PIEZO2: variants seen among roughly 807,000 people sequenced by gnomAD.
The protein encoded by PIEZO2 is piezo-type mechanosensitive ion channel component 2.
In PIEZO2, 172 loss-of-function variants were observed where a neutral mutation model predicts 337.3. The observed-to-expected ratio is 0.51, with a 90% CI of 0.45 to 0.58. PIEZO2 has a LOEUF of 0.58. Ranked by LOEUF, PIEZO2 falls within the 20% of genes least tolerant of loss-of-function variation. The pLI is 0.00. For synonymous variants in PIEZO2, 1,251 were observed against 1,228.5 expected (o/e 1.02, Z -0.38); for missense variants, 3,028 against 3,391.3 (o/e 0.89, Z 2.66).
rs2040531867 is a variant in PIEZO2 at position 10,821,915 on chromosome 18, A to G, written c.918-14641T>C. ...ATTAGAGTCATTGATTACAAATGCA[A>G]TAGTGCTAGTATAAATTTGTCAGAG... On this transcript the variant is annotated intron_variant, in intron 7 of 55. Transcript: ENST00000674853. The surrounding 1 kb of genome is among the most constrained non-coding windows in gnomAD (Gnocchi z 4.2). Among the ~76,000 whole-genome samples, 1 of 152,224 alleles carries G rather than the reference A, an allele frequency of 6.6e-6. No homozygotes were observed. Among genetic ancestry groups the G allele is most frequent in the Non-Finnish European group, 1.5e-5 (1 of 68,034 alleles).
rs1187865343 is a variant in PIEZO2, at chr18:11,129,846, G to A, written c.64+18679C>T. ...TCAGTTAAAGTAGGGGCTTATGGAGGTCAGGTAATTAATGGAGTTTTAGCT... is the reference window on the plus strand; with the variant it reads ...TCAGTTAAAGTAGGGGCTTATGGAGATCAGGTAATTAATGGAGTTTTAGCT... On this transcript the variant is annotated intron_variant, in intron 1 of 55. Transcript: ENST00000674853. This position sits in a 1 kb window ranked among gnomAD's most constrained non-coding sequence, Gnocchi z 4.6. Among the ~76,000 whole-genome samples the A allele has an allele frequency of 6.6e-6, 1 of 152,162 alleles. No individual in the cohort carries two copies. The highest frequency in any genetic ancestry group is 1.5e-5 in the Non-Finnish European group (1 of 68,026).
At chr18:10,739,532 C>A (rs993108806) in intron 33 of PIEZO2, 4 of 152,152 alleles carry the variant, frequency 2.6e-5, no homozygotes, top group Non-Finnish European at 5.9e-5. Context: ...CAATATGACA[C>A]AATTTTGAAA....
chr18:11,133,322 C>T (rs781259416), intron 1 of PIEZO2, among the ~76,000 whole-genome samples: 6 of 152,012 alleles, frequency 3.9e-5, no homozygotes, highest in South Asian at 2.1e-4. Context: ...TTATGGTAGG[C>T]GTTAAATTAT....
In PIEZO2 at chr18:11,084,043, G is replaced by A. The variant is rs565415387; in HGVS notation, c.65-17821C>T. ...AATACAAAAATTAGCCAGGTGTGGT[G>A]GTGGGTGCCTGTAATCCCAGTTACT... On this transcript the variant is annotated intron_variant, in intron 1 of 55. Coordinates refer to ENST00000674853, the MANE Select transcript of PIEZO2 (RefSeq NM_001378183.1). Among the ~76,000 whole-genome samples, 29 of 152,122 alleles carry A rather than the reference G, an allele frequency of 1.9e-4. No individual in the cohort carries two copies. In the South Asian group the frequency reaches 6.0e-3, roughly 32 times the overall value.
chr18:10,991,927 C>T (rs573151844), intron 2 of PIEZO2, among the ~76,000 whole-genome samples: 21 of 152,190 alleles, frequency 1.4e-4, no homozygotes, highest in East Asian at 5.8e-4. Flanking sequence ...CCATTCTAAC[C>T]GGTGTGAGAT....
rs2145773658 is a variant in PIEZO2 at position 11,033,574 on chromosome 18, ACTTCT to A, written c.160+32548_160+32552del. On this transcript the variant is annotated intron_variant, in intron 2 of 55. Coordinates refer to ENST00000674853, the MANE Select transcript of PIEZO2 (RefSeq NM_001378183.1). This position sits in a 1 kb window ranked among gnomAD's most constrained non-coding sequence, Gnocchi z 4.2. Reference sequence around the variant, plus strand: ...ATGACACATGTTTGACTCCTGGAAAACTTCTCTGATGCTGAATGTCAAAATACTGC... The same window carrying A: ...ATGACACATGTTTGACTCCTGGAAAACTGATGCTGAATGTCAAAATACTGC... 6.6e-6 allele frequency among the ~76,000 whole-genome samples: 1 copy of A among 152,310 alleles called. No individual in the cohort carries two copies. Among genetic ancestry groups the A allele is most frequent in the South Asian group, 2.1e-4 (1 of 4,828 alleles).
In PIEZO2 at chr18:10,787,189, A is replaced by C. The variant is rs1490911825; in HGVS notation, c.2170-5T>G. 1 of 1,489,396 alleles carries C rather than the reference A, an allele frequency of 6.7e-7. No individual in the cohort carries two copies. The highest frequency in any genetic ancestry group is 2.7e-5 in the Admixed American group (1 of 37,214). The allele number at this position is 1,489,396 out of a possible 1,614,324, so 92.3% of individuals were successfully genotyped here. ...CCTCCACCATTCATAGTGCACCTGC[A>C]AATCAGACATTGAAAAAAAAAAATG... On this transcript the variant is annotated splice_polypyrimidine_tract_variant and splice_region_variant and intron_variant, in intron 15 of 55. Coordinates refer to ENST00000674853, the MANE Select transcript of PIEZO2 (RefSeq NM_001378183.1).
At position 10,724,532 on chromosome 18, in the gene PIEZO2, T is replaced by G. The variant is rs1032751357; in HGVS notation, c.5030-6273A>C. 27 of 487,374 alleles carry G rather than the reference T, an allele frequency of 5.5e-5. No individual in the cohort carries two copies. Among genetic ancestry groups the G allele is most frequent in the Non-Finnish European group, 8.8e-5 (24 of 273,286 alleles). The allele number at this position is 487,374 out of a possible 1,614,324, so 30.2% of individuals were successfully genotyped here. ...GTCCTCTGGTCACACCCACTCATGC[T>G]GGTCTCCACATACCCTTCTGTGTCC... On this transcript the variant is annotated intron_variant, in intron 36 of 55. Coordinates refer to ENST00000674853, the MANE Select transcript of PIEZO2 (RefSeq NM_001378183.1). This position sits in a 1 kb window ranked among gnomAD's most constrained non-coding sequence, Gnocchi z 5.8.
At chr18:10,730,521 G>A (rs1444819399) in intron 36 of PIEZO2, among the ~76,000 whole-genome samples, 2 of 151,608 alleles carry the variant, frequency 1.3e-5, no homozygotes, top group African/African-American at 4.9e-5. Flanking sequence ...GCTCCTGAGT[G>A]AATCACCTGC....
At position 10,795,483 on chromosome 18, in the gene PIEZO2, G is replaced by A. The variant is rs1046528638; in HGVS notation, c.1528-481C>T. 1.3e-5 allele frequency among the ~76,000 whole-genome samples: 2 copies of A among 151,744 alleles called. No individual in the cohort carries two copies. Among genetic ancestry groups the A allele is most frequent in the African/African-American group, 4.8e-5 (2 of 41,296 alleles). ...AGAAAAAAAAATGGTATACTCCTGT[G>A]AGCTCAGAATGAGAGATTTGCTGCA... On this transcript the variant is annotated intron_variant, in intron 12 of 55. Coordinates refer to ENST00000674853, the MANE Select transcript of PIEZO2 (RefSeq NM_001378183.1). This position sits in a 1 kb window ranked among gnomAD's most constrained non-coding sequence, Gnocchi z 4.4.
chr18:10,682,433 A>G lies in PIEZO2; in HGVS notation c.7498-141T>C. On this transcript the variant is annotated intron_variant, in intron 49 of 55. Transcript: ENST00000674853. The surrounding 1 kb of genome is among the most constrained non-coding windows in gnomAD (Gnocchi z 5.6). ...CTGAATCTTCTCTGTTCGCTCTGAA[A>G]TGGGGATAGCAACCTTGTCCCAATC... The G allele has an allele frequency of 1.3e-6, 1 of 753,362 alleles. No individual in the cohort carries two copies. Among genetic ancestry groups the G allele is most frequent in the Non-Finnish European group, 2.1e-6 (1 of 476,904 alleles). The allele number at this position is 753,362 out of a possible 1,614,324, so 46.7% of individuals were successfully genotyped here. A position where few individuals can be genotyped will look rare whatever the true frequency, so the allele number is the denominator to read the frequency against.
In PIEZO2 at chr18:10,670,977, T is replaced by C. The variant is rs2033744817; in HGVS notation, c.*550A>G. ...TTTTTGCTTAGAATGAGGCTGATCCTTCCACTGGCGTCTTCACGGGCAATT... is the reference window on the plus strand; with the variant it reads ...TTTTTGCTTAGAATGAGGCTGATCCCTCCACTGGCGTCTTCACGGGCAATT... On this transcript the variant is annotated 3_prime_UTR_variant, in exon 56 of 56. Transcript: ENST00000674853. The C allele has an allele frequency of 6.5e-6, 1 of 152,852 alleles. No homozygotes were observed. The highest frequency in any genetic ancestry group is 6.5e-5 in the Admixed American group (1 of 15,292). The allele number at this position is 152,852 out of a possible 1,614,324, so 9.5% of individuals were successfully genotyped here.
intron 4 of PIEZO2, among the ~76,000 whole-genome samples, chr18:10,902,411 T>C (rs1050565204): frequency 1.3e-5 from 2 of 152,318 alleles, no homozygotes; most frequent in South Asian, 2.1e-4. Context: ...AATACACTGA[T>C]ATCTGCATCC....
chr18:10,676,415 C>A lies in PIEZO2; in HGVS notation c.8082-1127G>T, dbSNP rs964898131. On this transcript the variant is annotated intron_variant, in intron 53 of 55. Coordinates refer to ENST00000674853, the MANE Select transcript of PIEZO2 (RefSeq NM_001378183.1). This position sits in a 1 kb window ranked among gnomAD's most constrained non-coding sequence, Gnocchi z 5.1. ...AGTTTTAGATCCATATCATTTTTTT[C>A]TTGCTAGTTCATATATTAGAATCTA... Among the ~76,000 whole-genome samples, 10 of 152,092 alleles carry A rather than the reference C, an allele frequency of 6.6e-5. No individual in the cohort carries two copies. Among genetic ancestry groups the A allele is most frequent in the African/African-American group, 2.4e-4 (10 of 41,444 alleles).
chr18:10,678,097 T>A (rs1598344649), intron 52 of PIEZO2, among the ~76,000 whole-genome samples: 1 of 151,988 alleles, frequency 6.6e-6, no homozygotes, highest in African/African-American at 2.4e-5. Context: ...TAAAACAGAG[T>A]TGAAGGTGAG....
intron 18 of PIEZO2, among the ~76,000 whole-genome samples, chr18:10,778,669 T>A (rs142531858): frequency 4.6e-5 from 7 of 152,128 alleles, no homozygotes; most frequent in Admixed American, 2.0e-4. Context: ...CACACAAAAA[T>A]AGGAGATTTC....
rs554358321 is a variant in PIEZO2 at position 10,893,161 on chromosome 18, T to C, written c.329+18025A>G. 2.7e-4 allele frequency among the ~76,000 whole-genome samples: 41 copies of C among 152,380 alleles called. 1 individual carries two copies. The highest frequency in any genetic ancestry group is 1.2e-3 in the South Asian group (6 of 4,834). ...GACCTATTACAAAATCACTGATTTA[T>C]TGAATTATGGCTAGGTTAATGAGAT... On this transcript the variant is annotated intron_variant, in intron 4 of 55. Coordinates refer to ENST00000674853, the MANE Select transcript of PIEZO2 (RefSeq NM_001378183.1).
intron 2 of PIEZO2, among the ~76,000 whole-genome samples, chr18:10,981,595 T>A (rs2034669118): frequency 6.6e-6 from 1 of 152,204 alleles, no homozygotes; most frequent in African/African-American, 2.4e-5. Context: ...TGATGGTTAA[T>A]ACTGAGTGTC....
chr18:10,857,242 G>A, intron 5 of PIEZO2, 31 bp from the exon 6 acceptor site: 2 of 1,522,668 alleles, frequency 1.3e-6, no homozygotes, highest in South Asian at 1.2e-5. Flanking sequence ...AAACACTCAA[G>A]TCCAGGAGCC....
Sources: gnomAD v4.1 joint callset for allele counts (sites outside exome capture counted in the v4.1 genomes callset) on GRCh38, gnomAD v4.1.1 for gene constraint, Gnocchi (gnomAD v3.1) non-coding constraint, MANE v1.5 for transcripts, NCBI Gene and HGNC (gene_info 2026-07-23, HGNC 2026-07-21) for gene names.